The following LRP1B variants were observed in gnomAD, a reference collection of about 807,000 sequenced individuals.
The protein encoded by LRP1B is LDL receptor related protein 1B.
Under a neutral mutation model 556.6 loss-of-function variants are expected in LRP1B, and 217 were observed. That is an observed-to-expected ratio of 0.39 (90% CI 0.35 to 0.44). The LOEUF is 0.44. Ranked by LOEUF, LRP1B falls within the 20% of genes least tolerant of loss-of-function variation. The pLI is 1.00. For missense variants in LRP1B, 5,053 were observed against 5,620.8 expected, an observed-to-expected ratio of 0.90 and a Z score of 3.23; for synonymous variants, 2,047 against 1,865.8, an observed-to-expected ratio of 1.10 and a Z score of -2.50.
intron 7 of LRP1B, among the ~76,000 whole-genome samples, chr2:141,097,203 AT>A (rs1339536570): frequency 1.2e-4 from 18 of 152,364 alleles, no homozygotes; most frequent in Non-Finnish European, 1.8e-4. Context: ...CAAAGTTGAC[AT>A]TTTAACAACA....
chr2:140,700,599 G>T lies in LRP1B; in HGVS notation c.6450C>A (p.Asp2150Glu). 1 of 1,613,422 alleles carries T rather than the reference G, an allele frequency of 6.2e-7. No individual in the cohort carries two copies. The highest frequency in any genetic ancestry group is 2.2e-5 in the East Asian group (1 of 44,856). The change falls in exon 41 of 91, where the codon GAC becomes GAA. Residue 2150 changes from aspartate to glutamate, a missense_variant. Asp to Glu is a conservative substitution (Grantham distance 45). Transcript: ENST00000389484. ...REKGTNVCARDNGGCKQLCLY... is the reference protein window; with the variant it reads ...REKGTNVCARENGGCKQLCLY... The stretch of plus-strand genomic sequence containing the variant: ...GACAGAGTTGCTTACAGCCACCATT[G>T]TCCCTGGCACAAACATTGGTCCCTA...
intron 2 of LRP1B, among the ~76,000 whole-genome samples, chr2:141,563,923 C>T (rs1686245513): frequency 6.6e-6 from 1 of 152,008 alleles, no homozygotes; most frequent in South Asian, 2.1e-4. Flanking sequence ...ACTATGCTAA[C>T]TATCTAGGTG....
intron 60 of LRP1B, among the ~76,000 whole-genome samples, chr2:140,464,266 A>T (rs1687449842): frequency 6.6e-6 from 1 of 151,960 alleles, no homozygotes; most frequent in African/African-American, 2.4e-5. Flanking sequence ...TCTTTTTCAG[A>T]TTTAAGCCAT....
chr2:140,321,945 AT>A lies in LRP1B; in HGVS notation c.12640+17del, dbSNP rs762183593. 2 of 1,603,848 alleles carry A rather than the reference AT, an allele frequency of 1.2e-6. No individual in the cohort carries two copies. Among genetic ancestry groups the A allele is most frequent in the Non-Finnish European group, 1.7e-6 (2 of 1,175,932 alleles). ...TAAGGATTAATTCATTATTTACAGAATAATAAAGTATACCCACCTAACAGGC... is the reference window on the plus strand; with the variant it reads ...TAAGGATTAATTCATTATTTACAGAAAATAAAGTATACCCACCTAACAGGC... On this transcript the variant is annotated intron_variant, in intron 82 of 90. Transcript: ENST00000389484.
chr2:141,958,008 T>G (rs1429381340), intron 1 of LRP1B, among the ~76,000 whole-genome samples: 1 of 152,050 alleles, frequency 6.6e-6, no homozygotes, highest in Non-Finnish European at 1.5e-5. Flanking sequence ...CTGTGAGTGT[T>G]GTAATCTCAA....
rs4330054 is a variant in LRP1B, at chr2:140,554,493, C to T, written c.7195-12522G>A. The stretch of plus-strand genomic sequence containing the variant: ...CCTTCTACTTTGAATTCCTTTCAGA[C>T]ACATTCATTTTGACAGTCAATTCAA... On this transcript the variant is annotated intron_variant, in intron 43 of 90. Coordinates refer to ENST00000389484, the MANE Select transcript of LRP1B (RefSeq NM_018557.3). Among the ~76,000 whole-genome samples, 1,297 of 152,124 alleles carry T rather than the reference C, an allele frequency of 8.5e-3. 13 individuals are homozygous for T. Among genetic ancestry groups the T allele is most frequent in the African/African-American group, 0.029 (1,202 of 41,508 alleles).
chr2:140,387,924 C>T (rs1683832747), intron 66 of LRP1B, among the ~76,000 whole-genome samples: 2 of 147,740 alleles, frequency 1.4e-5, no homozygotes, highest in Non-Finnish European at 3.0e-5. Context: ...GCATGTGTTG[C>T]TTGTACTTTC....
intron 3 of LRP1B, chr2:141,286,747 T>C: frequency 2.3e-6 from 1 of 443,522 alleles, no homozygotes; most frequent in Admixed American, 2.4e-5. Context: ...TACATTGAAT[T>C]TGTACATTGT....
At position 140,534,021 on chromosome 2, in the gene LRP1B, C is replaced by T; in HGVS notation, c.7762G>A (p.Val2588Ile). ...GDNSDELDCK[V>I]STCATVEFRC... ...TGAGATTGATGGAACAAGTATTTAC[C>T]TTTACAATCTAATTCATCAGAGTTG... The change falls in exon 47 of 91, where the codon GTT becomes ATT. Residue 2588 changes from valine to isoleucine, a missense_variant and splice_region_variant. Val to Ile is a conservative substitution (Grantham distance 29, BLOSUM62 3). This residue lies in a region of LRP1B where 3,619 missense variants were observed against 3,931.9 expected (regional missense o/e 0.92). Coordinates refer to ENST00000389484, the MANE Select transcript of LRP1B (RefSeq NM_018557.3). 6.2e-7 allele frequency: 1 copy of T among 1,613,178 alleles called. No individual in the cohort carries two copies. The highest frequency in any genetic ancestry group is 8.5e-7 in the Non-Finnish European group (1 of 1,179,528).
intron 2 of LRP1B, among the ~76,000 whole-genome samples, chr2:141,603,983 T>C (rs1687835135): frequency 1.3e-5 from 2 of 152,174 alleles, no homozygotes; most frequent in African/African-American, 4.8e-5. Flanking sequence ...AGGGATGCAA[T>C]TGCATTAAAT....
intron 43 of LRP1B, among the ~76,000 whole-genome samples, chr2:140,543,281 T>A (rs1364056609): frequency 1.3e-5 from 2 of 151,772 alleles, no homozygotes; most frequent in African/African-American, 2.4e-5. Context: ...AAAAGCAACT[T>A]AAAGTAATAA....
chr2:141,850,883 A>G (rs761887851), intron 1 of LRP1B, among the ~76,000 whole-genome samples: 30 of 151,694 alleles, frequency 2.0e-4, no homozygotes, highest in Non-Finnish European at 3.8e-4. Flanking sequence ...AATCAAAGGA[A>G]TCCTACAGAT....
At chr2:140,427,307 C>T (rs1378410184) in intron 66 of LRP1B, among the ~76,000 whole-genome samples, 1 of 152,144 alleles carries the variant, frequency 6.6e-6, no homozygotes, top group African/African-American at 2.4e-5. Flanking sequence ...TGCTTGCTCA[C>T]CCACGTTGCA....
At chr2:141,106,142 G>C (rs1700596987) in intron 7 of LRP1B, among the ~76,000 whole-genome samples, 1 of 152,122 alleles carries the variant, frequency 6.6e-6, no homozygotes, top group East Asian at 1.9e-4. Flanking sequence ...TAATTTAAAG[G>C]CTCAGTCTCA....
intron 53 of LRP1B, among the ~76,000 whole-genome samples, chr2:140,506,464 G>A (rs562152326): frequency 2.6e-5 from 4 of 152,000 alleles, no homozygotes; most frequent in East Asian, 1.9e-4. Context: ...GGCTGGTCTC[G>A]AACTCCTGAC....
intron 2 of LRP1B, among the ~76,000 whole-genome samples, chr2:141,645,336 G>A (rs1207841974): frequency 6.6e-6 from 1 of 152,072 alleles, no homozygotes; most frequent in Non-Finnish European, 1.5e-5. Context: ...TGCCTCATAT[G>A]AAGAAATCTA....
At chr2:141,060,525 G>A (rs1157631163) in intron 8 of LRP1B, among the ~76,000 whole-genome samples, 1 of 151,658 alleles carries the variant, frequency 6.6e-6, no homozygotes, top group Non-Finnish European at 1.5e-5. Context: ...CTCTTCCTTT[G>A]CCATTAGTCT....
intron 3 of LRP1B, among the ~76,000 whole-genome samples, chr2:141,348,393 T>G (rs1471721002): frequency 6.6e-6 from 1 of 151,972 alleles, no homozygotes; most frequent in Non-Finnish European, 1.5e-5. Flanking sequence ...AACTTCTACT[T>G]AATAAATAAG....
At chr2:141,101,680 T>G (rs1006271293) in intron 7 of LRP1B, among the ~76,000 whole-genome samples, 4 of 152,174 alleles carry the variant, frequency 2.6e-5, no homozygotes, top group Non-Finnish European at 5.9e-5. Flanking sequence ...AAAGAAAGAT[T>G]TTTTTCTTAT....
Sources: gnomAD v4.1 joint callset for allele counts (sites outside exome capture counted in the v4.1 genomes callset) on GRCh38, gnomAD v4.1.1 for gene constraint, gnomAD v4.1.1 regional missense constraint, MANE v1.5 for transcripts, NCBI Gene and HGNC (gene_info 2026-07-23, HGNC 2026-07-21) for gene names.